The following TSC22D1 variants were observed in gnomAD, a reference collection of about 807,000 sequenced individuals.
TSC22D1 encodes TSC22 domain family member 1.
Under a neutral mutation model 74.2 loss-of-function variants are expected in TSC22D1, and 9 were observed. That is an observed-to-expected ratio of 0.12 (90% CI 0.07 to 0.21). The LOEUF (loss-of-function observed/expected upper bound fraction) is 0.21, where lower values mean the gene tolerates loss of function less well. Among genes scored for constraint, TSC22D1 ranks in the 10% least tolerant of loss-of-function variants. The pLI is 1.00. For missense variants in TSC22D1, 1,427 were observed against 1,304.7 expected (o/e 1.09, Z -1.44); for synonymous variants, 586 against 492.5 (o/e 1.19, Z -2.51).
At chr13:44,553,569 T>C (rs1486968123) in intron 1 of TSC22D1, among the ~76,000 whole-genome samples, 5 of 152,230 alleles carry the variant, frequency 3.3e-5, no homozygotes, top group East Asian at 1.9e-4. Context: ...ATAATGCCCA[T>C]CTAAAACAAT....
chr13:44,524,908 T>C (rs936821746), intron 1 of TSC22D1, among the ~76,000 whole-genome samples: 1 of 152,190 alleles, frequency 6.6e-6, no homozygotes, highest in Non-Finnish European at 1.5e-5. Flanking sequence ...AAAATCCCTG[T>C]GCTTCTGGAA....
intron 1 of TSC22D1, among the ~76,000 whole-genome samples, chr13:44,559,544 A>G (rs1882898821): frequency 1.3e-5 from 2 of 152,018 alleles, no homozygotes; most frequent in Non-Finnish European, 2.9e-5. Flanking sequence ...TTTTTTCTTG[A>G]GACAGGGTCT....
At chr13:44,570,188 C>CTTTT (rs1258759696) in intron 1 of TSC22D1, among the ~76,000 whole-genome samples, 3 of 132,446 alleles carry the variant, frequency 2.3e-5, no homozygotes, top group Non-Finnish European at 4.9e-5. Context: ...GACATTAAGA[C>CTTTT]TTTTTTTTTT....
At chr13:44,444,676 T>C (rs184165596) in intron 1 of TSC22D1, among the ~76,000 whole-genome samples, 2 of 152,180 alleles carry the variant, frequency 1.3e-5, no homozygotes, top group East Asian at 1.9e-4. Context: ...TGAAAAATAC[T>C]TGGGGAAAAA....
At chr13:44,534,289 C>T (rs938510129) in intron 1 of TSC22D1, among the ~76,000 whole-genome samples, 3 of 143,236 alleles carry the variant, frequency 2.1e-5, no homozygotes, top group African/African-American at 7.9e-5. Context: ...AAAACTGAGG[C>T]GAGAGGATCA....
intron 1 of TSC22D1, among the ~76,000 whole-genome samples, chr13:44,476,232 A>G (rs1056566218): frequency 1.3e-5 from 2 of 152,192 alleles, no homozygotes; most frequent in Non-Finnish European, 2.9e-5. Context: ...AGTCTATCCA[A>G]CTTTCTACTT....
At chr13:44,524,127 T>C (rs1880442176) in intron 1 of TSC22D1, among the ~76,000 whole-genome samples, 1 of 152,080 alleles carries the variant, frequency 6.6e-6, no homozygotes, top group Non-Finnish European at 1.5e-5. Context: ...TAAATAACTG[T>C]AATGGTTTAA....
chr13:44,498,489 C>T (rs1265486417), intron 1 of TSC22D1, among the ~76,000 whole-genome samples: 1 of 152,016 alleles, frequency 6.6e-6, no homozygotes. Context: ...AGCATACCAA[C>T]CATTTATGCC....
intron 1 of TSC22D1, chr13:44,451,406 T>G (rs1172504995): frequency 6.6e-6 from 1 of 152,246 alleles, no homozygotes; most frequent in African/African-American, 2.4e-5. Context: ...GGGTTCTTTT[T>G]TTCCTTTTCA....
Position 44,436,105 on chromosome 13 carries a change from A to G in TSC22D1, c.2913-10T>C. On this transcript the variant is annotated splice_polypyrimidine_tract_variant and intron_variant, in intron 1 of 2. Coordinates refer to ENST00000458659, the MANE Select transcript of TSC22D1 (RefSeq NM_183422.4). The stretch of plus-strand genomic sequence containing the variant: ...ACTTGCACCAGAGGAGCTGAAAAAG[A>G]GGAGGGAAAAAGGTCATCGATAAAT... 1 of 1,610,666 alleles carries G rather than the reference A, an allele frequency of 6.2e-7. No individual in the cohort carries two copies. The highest frequency in any genetic ancestry group is 8.5e-7 in the Non-Finnish European group (1 of 1,178,946).
rs568091198 is a variant in TSC22D1 at position 44,461,290 on chromosome 13, A to G, written c.2913-25195T>C. 4.6e-5 allele frequency among the ~76,000 whole-genome samples: 7 copies of G among 152,350 alleles called. 1 individual carries two copies. The South Asian group carries it at 1.5e-3, about 32-fold the overall frequency. Reference sequence around the variant, plus strand: ...ATATGAACTCAGGTTTTTCTGACTCAAAAATCTAACTTCTTTCCATACACT... The same window carrying G: ...ATATGAACTCAGGTTTTTCTGACTCGAAAATCTAACTTCTTTCCATACACT... On this transcript the variant is annotated intron_variant, in intron 1 of 2. Transcript: ENST00000458659.
chr13:44,437,335 C>A lies in TSC22D1; in HGVS notation c.2913-1240G>T, dbSNP rs548587540. 4.8e-5 allele frequency: 42 copies of A among 867,558 alleles called. No homozygotes were observed. The African/African-American group carries it at 7.1e-4, about 15-fold the overall frequency. 53.7% of individuals were successfully genotyped at this position (867,558 alleles called of 1,614,324 possible). A position where few individuals can be genotyped will look rare whatever the true frequency, so the allele number is the denominator to read the frequency against. Reference sequence around the variant, plus strand: ...TTGATTTCAATTATCTAGTTCTTACCGGCAGCGGTACTGGGAGGATTTTAT... The same window carrying A: ...TTGATTTCAATTATCTAGTTCTTACAGGCAGCGGTACTGGGAGGATTTTAT... On this transcript the variant is annotated intron_variant, in intron 1 of 2. Transcript: ENST00000458659.
intron 1 of TSC22D1, among the ~76,000 whole-genome samples, chr13:44,552,852 G>A (rs1882376068): frequency 1.3e-5 from 2 of 152,168 alleles, no homozygotes; most frequent in Admixed American, 6.5e-5. Flanking sequence ...GCCGGGTGTG[G>A]TGGCAGGCGC....
At chr13:44,481,971 CA>C (rs1878198196) in intron 1 of TSC22D1, among the ~76,000 whole-genome samples, 1 of 152,206 alleles carries the variant, frequency 6.6e-6, no homozygotes, top group African/African-American at 2.4e-5. Context: ...ATTCCATCCT[CA>C]ATTATACTTC....
intron 1 of TSC22D1, among the ~76,000 whole-genome samples, chr13:44,476,424 T>C (rs1877914024): frequency 1.3e-5 from 2 of 152,148 alleles, no homozygotes; most frequent in East Asian, 1.9e-4. Flanking sequence ...TTTCTTTTTG[T>C]TGATTATTAT....
At chr13:44,457,443 A>G (rs1168185044) in intron 1 of TSC22D1, among the ~76,000 whole-genome samples, 1 of 152,184 alleles carries the variant, frequency 6.6e-6, no homozygotes, top group Non-Finnish European at 1.5e-5. Context: ...GAAATGAGAG[A>G]ATATGTGATG....
rs144593441 is a variant in TSC22D1 at position 44,479,015 on chromosome 13, T to C, written c.2913-42920A>G. On this transcript the variant is annotated intron_variant, in intron 1 of 2. Transcript: ENST00000458659. ...TCATCAAAGATTATAGGTCTCTGAA[T>C]ATTACTGAATAAAAAATATTAAGCC... Among the ~76,000 whole-genome samples, 976 of 152,272 alleles carry C rather than the reference T, an allele frequency of 6.4e-3. 11 individuals are homozygous for C. Among genetic ancestry groups the C allele is most frequent in the African/African-American group, 0.022 (916 of 41,526 alleles).
chr13:44,547,901 T>G (rs1881935676), intron 1 of TSC22D1, among the ~76,000 whole-genome samples: 1 of 152,204 alleles, frequency 6.6e-6, no homozygotes, highest in African/African-American at 2.4e-5. Flanking sequence ...GCAATCCTCC[T>G]GTCTCAGCTA....
intron 1 of TSC22D1, among the ~76,000 whole-genome samples, chr13:44,493,334 G>T (rs1878811463): frequency 1.3e-5 from 2 of 152,118 alleles, no homozygotes; most frequent in Non-Finnish European, 2.9e-5. Flanking sequence ...TGTCTGTTTT[G>T]ACTTATCTGG....
Sources: allele counts gnomAD v4.1 joint callset (sites outside exome capture counted in the v4.1 genomes callset), GRCh38; gene constraint gnomAD v4.1.1; transcripts MANE v1.5; gene names NCBI Gene and HGNC (gene_info 2026-07-23, HGNC 2026-07-21).